PCBP3: variants seen among roughly 807,000 people sequenced by gnomAD.
PCBP3 encodes the protein poly(rC) binding protein 3.
A neutral mutation model predicts 52.7 loss-of-function variants in PCBP3; 25 were observed. The ratio of observed to expected loss-of-function variants is 0.47; its 90% CI spans 0.35 to 0.66. The LOEUF (loss-of-function observed/expected upper bound fraction) is 0.66, where lower values mean the gene tolerates loss of function less well. Among genes scored for constraint, PCBP3 ranks in the 30% least tolerant of loss-of-function variants. PCBP3 has a pLI of 0.01. For synonymous variants in PCBP3, 162 were observed against 183.0 expected (o/e 0.89, Z 0.93); for missense variants, 391 against 490.3 (o/e 0.80, Z 1.91).
chr21:45,726,429 G>T (rs2085048310), intron 2 of PCBP3, among the ~76,000 whole-genome samples: 1 of 152,132 alleles, frequency 6.6e-6, no homozygotes, highest in Admixed American at 6.5e-5. Flanking sequence ...AGAAGAGACT[G>T]GTGTGGTTGG....
chr21:45,851,642 G>GATA (rs200145671), intron 5 of PCBP3, among the ~76,000 whole-genome samples: 203 of 113,378 alleles, frequency 1.8e-3, no homozygotes, highest in African/African-American at 5.4e-3. Context: ...TAGATAGATA[G>GATA]GTAAAGAAAT....
At chr21:45,820,676 A>C (rs2093105593) in intron 4 of PCBP3, among the ~76,000 whole-genome samples, 1 of 152,132 alleles carries the variant, frequency 6.6e-6, no homozygotes. Context: ...CCCCAGAGGC[A>C]CCTTGGTTTC....
chr21:45,668,350 T>C (rs1409445979), intron 1 of PCBP3, among the ~76,000 whole-genome samples: 1 of 152,220 alleles, frequency 6.6e-6, no homozygotes, highest in Non-Finnish European at 1.5e-5. Flanking sequence ...AACAATTGTC[T>C]TTGTTTTGAA....
intron 1 of PCBP3, among the ~76,000 whole-genome samples, chr21:45,657,732 G>A (rs902166635): frequency 2.6e-5 from 4 of 151,610 alleles, no homozygotes; most frequent in East Asian, 3.9e-4. Flanking sequence ...TAGATAATTC[G>A]GGGAGTATTG....
chr21:45,733,047 A>C (rs2145801675), intron 2 of PCBP3, among the ~76,000 whole-genome samples: 1 of 152,086 alleles, frequency 6.6e-6, no homozygotes, highest in African/African-American at 2.4e-5. Flanking sequence ...TCTGTGTTTT[A>C]TTTTAGGTAG....
chr21:45,860,962 C>T (rs1569346816), intron 5 of PCBP3, among the ~76,000 whole-genome samples: 1 of 152,178 alleles, frequency 6.6e-6, no homozygotes, highest in Admixed American at 6.5e-5. Context: ...CGAGCAGGGC[C>T]GCTCTGTACC....
intron 2 of PCBP3, among the ~76,000 whole-genome samples, chr21:45,670,092 G>A (rs1003235942): frequency 1.3e-5 from 2 of 151,798 alleles, no homozygotes; most frequent in African/African-American, 4.8e-5. Flanking sequence ...AATGCACAAG[G>A]GTTCCAGCTT....
rs984621658 is a variant in PCBP3 at position 45,941,899 on chromosome 21, G to C, written c.*193G>C. ...GCTCTCTACAGAGGCTGCAGGCTCC[G>C]CCGAGTCCCCCCTCAGTGTTATTTT... On this transcript the variant is annotated 3_prime_UTR_variant, in exon 18 of 18. Transcript: ENST00000681687. The C allele has an allele frequency of 2.3e-6, 1 of 437,930 alleles. No homozygotes were observed. Among genetic ancestry groups the C allele is most frequent in the Non-Finnish European group, 4.0e-6 (1 of 248,898 alleles). The allele number at this position is 437,930 out of a possible 1,614,324, so 27.1% of individuals were successfully genotyped here.
In PCBP3 at chr21:45,741,397, A is replaced by G. The variant is rs1448695043; in HGVS notation, c.-162+5968A>G. On this transcript the variant is annotated intron_variant, in intron 3 of 17. Transcript: ENST00000681687. The surrounding 1 kb of genome is among the most constrained non-coding windows in gnomAD (Gnocchi z 4.5). ...CACAGCCAGCGAGGGGAGTCCTGGA[A>G]AGTGGGGAGGAGGGCGAGGTAGGGG... 2.6e-5 allele frequency among the ~76,000 whole-genome samples: 4 copies of G among 152,142 alleles called. No homozygotes were observed. The highest frequency in any genetic ancestry group is 4.4e-5 in the Non-Finnish European group (3 of 68,004).
intron 12 of PCBP3, 25 bp downstream of exon 12, chr21:45,914,050 T>C (rs1257367378): frequency 6.2e-7 from 1 of 1,613,154 alleles, no homozygotes; most frequent in South Asian, 1.1e-5. Flanking sequence ...GCTCGCGGCC[T>C]CCACTGCCAA....
chr21:45,791,904 T>A lies in PCBP3; in HGVS notation c.-126+36452T>A, dbSNP rs1204153691. On this transcript the variant is annotated intron_variant, in intron 4 of 17. Transcript: ENST00000681687. This position sits in a 1 kb window ranked among gnomAD's most constrained non-coding sequence, Gnocchi z 4.2. ...ATGCAGTTCATTTCCAGCCCTGAGC[T>A]GCACTCAGGAGCTGGGCCTCATGCC... 1.3e-5 allele frequency among the ~76,000 whole-genome samples: 2 copies of A among 152,262 alleles called. No individual in the cohort carries two copies. Among genetic ancestry groups the A allele is most frequent in the Non-Finnish European group, 2.9e-5 (2 of 68,036 alleles).
rs894625201 is a variant in PCBP3, at chr21:45,928,302, T to A, written c.718-1615T>A. On this transcript the variant is annotated intron_variant, in intron 13 of 17. Coordinates refer to ENST00000681687, the MANE Select transcript of PCBP3 (RefSeq NM_001384156.1). This position sits in a 1 kb window ranked among gnomAD's most constrained non-coding sequence, Gnocchi z 4.1. ...ACCCGGCACACCCGTTCACGTTACA[T>A]CATGGGGCAGCGCAGATGCCACAAT... 1.3e-4 allele frequency among the ~76,000 whole-genome samples: 20 copies of A among 152,138 alleles called. No homozygotes were observed. Among genetic ancestry groups the A allele is most frequent in the Non-Finnish European group, 4.4e-5 (3 of 68,006 alleles).
At chr21:45,929,663 G>A (rs1239970837) in intron 13 of PCBP3, among the ~76,000 whole-genome samples, 1 of 152,230 alleles carries the variant, frequency 6.6e-6, no homozygotes, top group East Asian at 1.9e-4. Context: ...CTAGGCTGGA[G>A]CTGCCGGGGA....
At chr21:45,706,430 CT>C (rs1454615371) in intron 2 of PCBP3, among the ~76,000 whole-genome samples, 1 of 152,050 alleles carries the variant, frequency 6.6e-6, no homozygotes, top group East Asian at 1.9e-4. Flanking sequence ...CTAGTGCAGG[CT>C]TCTCCTTTCC....
rs974528129 is a variant in PCBP3 at position 45,928,826 on chromosome 21, A to C, written c.718-1091A>C. ...GGATTTATTTGGGTTGAATGTTCTG[A>C]AGGGAAAATGCTGGGGAGGTGGTGC... On this transcript the variant is annotated intron_variant, in intron 13 of 17. Transcript: ENST00000681687. This position sits in a 1 kb window ranked among gnomAD's most constrained non-coding sequence, Gnocchi z 4.1. Among the ~76,000 whole-genome samples, 17 of 152,102 alleles carry C rather than the reference A, an allele frequency of 1.1e-4. No homozygotes were observed. The highest frequency in any genetic ancestry group is 2.1e-4 in the Non-Finnish European group (14 of 67,984).
intron 2 of PCBP3, among the ~76,000 whole-genome samples, chr21:45,702,157 G>A (rs1350193438): frequency 1.3e-5 from 2 of 152,184 alleles, no homozygotes; most frequent in African/African-American, 4.8e-5. Flanking sequence ...TTAAAGGTTA[G>A]TTGCAACATG....
chr21:45,676,743 G>T (rs935727032), intron 2 of PCBP3, among the ~76,000 whole-genome samples: 1 of 151,968 alleles, frequency 6.6e-6, no homozygotes, highest in East Asian at 1.9e-4. Context: ...CAGGTGAAAG[G>T]AAGGGTTGCA....
chr21:45,805,392 C>T lies in PCBP3; in HGVS notation c.-125-44569C>T, dbSNP rs1211619680. ...GCAGGGGTTTGGCACCCCCCTTGCC[C>T]ACCTGCCCTGTGTGCTGGGCCGTGC... On this transcript the variant is annotated intron_variant, in intron 4 of 17. Coordinates refer to ENST00000681687, the MANE Select transcript of PCBP3 (RefSeq NM_001384156.1). The surrounding 1 kb of genome is among the most constrained non-coding windows in gnomAD (Gnocchi z 4.6). 6.6e-6 allele frequency among the ~76,000 whole-genome samples: 1 copy of T among 152,100 alleles called. No individual in the cohort carries two copies. Among genetic ancestry groups the T allele is most frequent in the Non-Finnish European group, 1.5e-5 (1 of 68,022 alleles).
chr21:45,860,353 C>G (rs983777896), intron 5 of PCBP3, among the ~76,000 whole-genome samples: 4 of 152,212 alleles, frequency 2.6e-5, no homozygotes, highest in Non-Finnish European at 5.9e-5. Context: ...AATTTTATTA[C>G]GTCGAAAGTT....
Sources: gnomAD v4.1 joint callset for allele counts (sites outside exome capture counted in the v4.1 genomes callset) on GRCh38, gnomAD v4.1.1 for gene constraint, Gnocchi (gnomAD v3.1) non-coding constraint, MANE v1.5 for transcripts, NCBI Gene and HGNC (gene_info 2026-07-23, HGNC 2026-07-21) for gene names.